TNFRSF11A: variants seen among roughly 807,000 people sequenced by gnomAD.
The protein encoded by TNFRSF11A is TNF receptor superfamily member 11a.
Under a neutral mutation model 55.7 loss-of-function variants are expected in TNFRSF11A, and 32 were observed. The ratio of observed to expected loss-of-function variants is 0.57; its 90% CI spans 0.43 to 0.77. The LOEUF (loss-of-function observed/expected upper bound fraction) is 0.77. Ranked by LOEUF, TNFRSF11A falls within the 30% of genes least tolerant of loss-of-function variation. The pLI is 0.00. For synonymous variants in TNFRSF11A, 311 were observed against 331.0 expected (o/e 0.94, Z 0.65); for missense variants, 753 against 809.8 (o/e 0.93, Z 0.85).
intron 7 of TNFRSF11A, among the ~76,000 whole-genome samples, chr18:62,363,786 G>A (rs1028666022): frequency 3.3e-5 from 5 of 152,186 alleles, no homozygotes; most frequent in Non-Finnish European, 7.3e-5. Flanking sequence ...GATGATGAAG[G>A]TCGCTTGTAG....
chr18:62,344,070 G>T (rs1006660938), intron 1 of TNFRSF11A, among the ~76,000 whole-genome samples: 7 of 152,120 alleles, frequency 4.6e-5, no homozygotes, highest in Non-Finnish European at 7.4e-5. Context: ...ATGTAGAATA[G>T]GCCCTCGATT....
chr18:62,357,477 C>T (rs1909345353), intron 4 of TNFRSF11A, among the ~76,000 whole-genome samples: 1 of 152,176 alleles, frequency 6.6e-6, no homozygotes, highest in Non-Finnish European at 1.5e-5. Context: ...GTCTAAGATC[C>T]ATTGTGCCAC....
chr18:62,380,467 C>T (rs1051476617), intron 9 of TNFRSF11A, among the ~76,000 whole-genome samples: 13 of 143,054 alleles, frequency 9.1e-5, no homozygotes, highest in Non-Finnish European at 1.5e-4. Context: ...GAGAGAGTCT[C>T]ACTCTGTCGC....
chr18:62,345,000 G>T (rs2046362447), intron 1 of TNFRSF11A, among the ~76,000 whole-genome samples: 1 of 152,238 alleles, frequency 6.6e-6, no homozygotes, highest in African/African-American at 2.4e-5. Flanking sequence ...AGTCTGGCCT[G>T]CAGCGTCAAG....
At position 62,387,469 on chromosome 18, in the gene TNFRSF11A, A is replaced by G. The variant is rs1204263221; in HGVS notation, c.*2435A>G. 1.3e-5 allele frequency: 2 copies of G among 152,244 alleles called. No homozygotes were observed. Among genetic ancestry groups the G allele is most frequent in the African/African-American group, 2.4e-5 (1 of 41,464 alleles). The allele number at this position is 152,244 out of a possible 1,614,324, so 9.4% of individuals were successfully genotyped here. On this transcript the variant is annotated 3_prime_UTR_variant, in exon 10 of 10. Coordinates refer to ENST00000586569, the MANE Select transcript of TNFRSF11A (RefSeq NM_003839.4). ...GAGCTCACTGTAAAATCATGATCCA[A>G]CTTATTGCTAATCTTTATGATATGC...
chr18:62,345,757 G>T (rs1240584104), intron 1 of TNFRSF11A, among the ~76,000 whole-genome samples: 1 of 152,144 alleles, frequency 6.6e-6, no homozygotes, highest in Non-Finnish European at 1.5e-5. Context: ...GGGTGGGAGG[G>T]CAAGAGGCAC....
chr18:62,375,519 G>A (rs1910833172), intron 9 of TNFRSF11A, among the ~76,000 whole-genome samples: 1 of 152,132 alleles, frequency 6.6e-6, no homozygotes, highest in Non-Finnish European at 1.5e-5. Context: ...GTCATATTGT[G>A]TTCAGGGACC....
At chr18:62,356,051 A>G (rs556628921) in intron 4 of TNFRSF11A, among the ~76,000 whole-genome samples, 1 of 152,356 alleles carries the variant, frequency 6.6e-6, no homozygotes, top group East Asian at 1.9e-4. Context: ...AAGTAAAGGA[A>G]TAGAAATCCT....
chr18:62,362,471 C>CT (rs1909762568), intron 7 of TNFRSF11A, among the ~76,000 whole-genome samples: 1 of 70,010 alleles, frequency 1.4e-5, no homozygotes, highest in African/African-American at 5.7e-5. Flanking sequence ...GCCTGGACAA[C>CT]AAGAGCAAAA....
Position 62,349,813 on chromosome 18 carries a change from A to C in TNFRSF11A, c.159A>C (p.Gly53=). ...ATTTTTCTCCCTCATTTTTTTAAGGAAAGTACATGTCTTCTAAATGCACTA... is the reference window on the plus strand; with the variant it reads ...ATTTTTCTCCCTCATTTTTTTAAGGCAAGTACATGTCTTCTAAATGCACTA... ...LGRCCNKCEP[G]KYMSSKCTTT... The change falls in exon 3 of 10, where the codon GGA becomes GGC. Residue 53 remains glycine, a splice_region_variant and synonymous_variant. Coordinates refer to ENST00000586569, the MANE Select transcript of TNFRSF11A (RefSeq NM_003839.4). The C allele has an allele frequency of 6.2e-7, 1 of 1,613,974 alleles. No individual in the cohort carries two copies. Among genetic ancestry groups the C allele is most frequent in the South Asian group, 1.1e-5 (1 of 91,080 alleles).
chr18:62,351,907 C>T (rs2046479423), intron 3 of TNFRSF11A, among the ~76,000 whole-genome samples: 1 of 152,344 alleles, frequency 6.6e-6, no homozygotes, highest in African/African-American at 2.4e-5. Context: ...AACGATTCTC[C>T]TGCCTTGGCC....
Position 62,325,445 on chromosome 18 carries a change from C to T in TNFRSF11A, c.75+18C>T, listed in dbSNP as rs1401771436. ...GGCTGCAGGTAAGGAGCGCCCGCGC[C>T]TGCCGGGCCGCGCGGCCCGACGCCT... On this transcript the variant is annotated intron_variant, in intron 1 of 9. Transcript: ENST00000586569. The surrounding 1 kb of genome is among the most constrained non-coding windows in gnomAD (Gnocchi z 4.7). The T allele has an allele frequency of 1.3e-5, 16 of 1,252,294 alleles. No homozygotes were observed. The highest frequency in any genetic ancestry group is 1.5e-5 in the Non-Finnish European group (15 of 986,114). 77.6% of individuals were successfully genotyped at this position (1,252,294 alleles called of 1,614,324 possible).
At chr18:62,348,806 A>G (rs2046422472) in intron 2 of TNFRSF11A, among the ~76,000 whole-genome samples, 1 of 152,054 alleles carries the variant, frequency 6.6e-6, no homozygotes, top group Non-Finnish European at 1.5e-5. Context: ...CGGGGCCCGC[A>G]CTCTCTCATC....
At chr18:62,337,022 G>T (rs565145548) in intron 1 of TNFRSF11A, among the ~76,000 whole-genome samples, 1 of 152,124 alleles carries the variant, frequency 6.6e-6, no homozygotes, top group African/African-American at 2.4e-5. Flanking sequence ...GTGGTCAGAG[G>T]GGGAAATGCT....
In TNFRSF11A at chr18:62,385,454, G is replaced by C. The variant is rs1324561922; in HGVS notation, c.*420G>C. The C allele has an allele frequency of 1.2e-5, 2 of 161,020 alleles. No homozygotes were observed. Among genetic ancestry groups the C allele is most frequent in the African/African-American group, 4.8e-5 (2 of 41,704 alleles). The allele number at this position is 161,020 out of a possible 1,614,324, so 10.0% of individuals were successfully genotyped here. On this transcript the variant is annotated 3_prime_UTR_variant, in exon 10 of 10. Transcript: ENST00000586569. Reference sequence around the variant, plus strand: ...AGGTTTTCTCAAAAATTCTCCTAAAGGTGAGGGTCTCTTTCTTTTCTCTTT... The same window carrying C: ...AGGTTTTCTCAAAAATTCTCCTAAACGTGAGGGTCTCTTTCTTTTCTCTTT...
intron 2 of TNFRSF11A, among the ~76,000 whole-genome samples, chr18:62,348,567 A>C (rs142085901): frequency 2.0e-5 from 3 of 152,366 alleles, no homozygotes; most frequent in African/African-American, 4.8e-5. Context: ...TTATGACTCA[A>C]ACTCTCAAAT....
intron 1 of TNFRSF11A, 77 bp from the exon 2 acceptor site, chr18:62,348,089 TGA>T: frequency 9.8e-7 from 1 of 1,016,332 alleles, no homozygotes; most frequent in Non-Finnish European, 1.5e-6. Context: ...AGTAATTTGG[TGA>T]TTCCCTTTTT....
At position 62,369,245 on chromosome 18, in the gene TNFRSF11A, C is replaced by T. The variant is rs1296188060; in HGVS notation, c.1328C>T (p.Ala443Val). Reference protein sequence around the residue: ...HWAASPSPNWADVCTGCRNPP... With the variant: ...HWAASPSPNWVDVCTGCRNPP... The stretch of plus-strand genomic sequence containing the variant: ...GCAGCCAGCCCCAGCCCCAACTGGG[C>T]AGATGTCTGCACAGGCTGCCGGAAC... Residue 443 changes from alanine (A) to valine (V), a missense_variant, in exon 9 of 10, where the codon GCA (alanine) becomes GTA (valine). By Grantham distance (64) the Ala-to-Val change is moderately conservative. This residue lies in a region of TNFRSF11A where 567 missense variants were observed against 596.7 expected (regional missense o/e 0.95). Coordinates refer to ENST00000586569, the MANE Select transcript of TNFRSF11A (RefSeq NM_003839.4). 1 of 1,613,496 alleles carries T rather than the reference C, an allele frequency of 6.2e-7. No homozygotes were observed. The highest frequency in any genetic ancestry group is 1.3e-5 in the African/African-American group (1 of 74,966).
chr18:62,366,408 T>C (rs1389708866), intron 7 of TNFRSF11A, among the ~76,000 whole-genome samples: 1 of 152,130 alleles, frequency 6.6e-6, no homozygotes, highest in Non-Finnish European at 1.5e-5. Flanking sequence ...ATGTGCAGGA[T>C]GAAGAAAGTT....
Sources: allele counts gnomAD v4.1 joint callset (sites outside exome capture counted in the v4.1 genomes callset), GRCh38; gene constraint gnomAD v4.1.1; regional missense constraint gnomAD v4.1.1; non-coding constraint Gnocchi (gnomAD v3.1); transcripts MANE v1.5; gene names NCBI Gene and HGNC (gene_info 2026-07-23, HGNC 2026-07-21).